The following ZNF827 variants were observed in gnomAD, a reference collection of about 807,000 sequenced individuals.
The protein encoded by ZNF827 is zinc finger protein 827.
In ZNF827, 13 loss-of-function variants were observed where a neutral mutation model predicts 102.4. That is an observed-to-expected ratio of 0.13 (90% CI 0.08 to 0.20). The LOEUF is 0.20. Ranked by LOEUF, ZNF827 falls within the 10% of genes least tolerant of loss-of-function variation. The pLI is 1.00. For missense variants in ZNF827, 1,103 were observed against 1,344.4 expected (o/e 0.82, Z 2.81); for synonymous variants, 523 against 536.2 (o/e 0.98, Z 0.34).
intron 8 of ZNF827, among the ~76,000 whole-genome samples, chr4:145,814,813 C>A (rs112006665): frequency 0.012 from 1,854 of 150,398 alleles, 49 homozygotes; most frequent in African/African-American, 0.042. Flanking sequence ...TTGTGGCATG[C>A]GCCTGTAATC....
intron 7 of ZNF827, among the ~76,000 whole-genome samples, chr4:145,824,921 T>C (rs1217537681): frequency 1.3e-5 from 2 of 152,282 alleles, no homozygotes; most frequent in Non-Finnish European, 2.9e-5. Context: ...AATATAGTTT[T>C]ACATGACTGT....
chr4:145,846,107 C>CT, intron 6 of ZNF827, 94 bp from the exon 7 acceptor site: 1 of 1,178,002 alleles, frequency 8.5e-7, no homozygotes, highest in Non-Finnish European at 1.2e-6. Flanking sequence ...CAACATCTCT[C>CT]TTTTTCCTTT....
chr4:145,813,667 T>C (rs1742277476), intron 8 of ZNF827, among the ~76,000 whole-genome samples: 1 of 152,214 alleles, frequency 6.6e-6, no homozygotes, highest in Admixed American at 6.5e-5. Context: ...TAATCAGTCT[T>C]ACGAGTGCAT....
chr4:145,781,223 A>G (rs1737998644), intron 8 of ZNF827, among the ~76,000 whole-genome samples: 2 of 136,788 alleles, frequency 1.5e-5, no homozygotes, highest in African/African-American at 2.8e-5. Flanking sequence ...AAAAAGAAAA[A>G]AAAAGAAAAA....
intron 5 of ZNF827, among the ~76,000 whole-genome samples, chr4:145,860,863 A>T (rs186873670): frequency 2.0e-5 from 3 of 152,254 alleles, no homozygotes; most frequent in Admixed American, 2.0e-4. Context: ...CCTAAAAGCC[A>T]TAAGAGAAAA....
intron 8 of ZNF827, among the ~76,000 whole-genome samples, chr4:145,798,493 T>G (rs1579222424): frequency 6.6e-6 from 1 of 151,978 alleles, no homozygotes; most frequent in African/African-American, 2.4e-5. Context: ...TGGTGAAACC[T>G]CGTCTCCACT....
intron 8 of ZNF827, among the ~76,000 whole-genome samples, chr4:145,807,660 T>A (rs781781431): frequency 6.6e-6 from 1 of 151,360 alleles, no homozygotes; most frequent in Non-Finnish European, 1.5e-5. Flanking sequence ...TTAGTAGAGA[T>A]GGGGTTTCAC....
intron 1 of ZNF827, among the ~76,000 whole-genome samples, chr4:145,934,819 G>C (rs1754044681): frequency 6.6e-6 from 1 of 152,278 alleles, no homozygotes; most frequent in East Asian, 1.9e-4. Context: ...AATCCTTAGG[G>C]GGGTGCAGAC....
intron 8 of ZNF827, among the ~76,000 whole-genome samples, chr4:145,809,571 C>G (rs1355812696): frequency 2.6e-5 from 4 of 152,354 alleles, no homozygotes; most frequent in African/African-American, 9.6e-5. Flanking sequence ...TCCCTTACTG[C>G]TCAGGAGTCA....
Position 145,765,757 on chromosome 4 carries a change from A to G in ZNF827, c.2861-19T>C. ...TCTTCCCCTGAAAAATAAGCAAATAACCCAGTCTGTTAATGAGATGAAAAT... is the reference window on the plus strand; with the variant it reads ...TCTTCCCCTGAAAAATAAGCAAATAGCCCAGTCTGTTAATGAGATGAAAAT... On this transcript the variant is annotated intron_variant, in intron 11 of 14. Coordinates refer to ENST00000508784, the MANE Select transcript of ZNF827 (RefSeq NM_001306215.2). This position sits in a 1 kb window ranked among gnomAD's most constrained non-coding sequence, Gnocchi z 4.7. The G allele has an allele frequency of 6.2e-7, 1 of 1,608,770 alleles. No individual in the cohort carries two copies. The highest frequency in any genetic ancestry group is 1.1e-5 in the South Asian group (1 of 90,336).
At chr4:145,835,188 C>G (rs1441450569) in intron 7 of ZNF827, 3 of 152,260 alleles carry the variant, frequency 2.0e-5, no homozygotes, top group Non-Finnish European at 4.4e-5. Context: ...CTGACTCCTT[C>G]CCAGATCTTC....
intron 2 of ZNF827, among the ~76,000 whole-genome samples, chr4:145,896,263 T>C (rs1298331940): frequency 6.6e-6 from 1 of 152,122 alleles, no homozygotes. Flanking sequence ...ACATAATAAA[T>C]ACACGGTTCA....
chr4:145,855,462 A>G (rs1579385692), intron 5 of ZNF827, among the ~76,000 whole-genome samples: 1 of 152,242 alleles, frequency 6.6e-6, no homozygotes, highest in East Asian at 1.9e-4. Flanking sequence ...AAGAATGCAG[A>G]CCAAAAGGAC....
At chr4:145,870,545 C>G (rs71614563) in intron 4 of ZNF827, 67 bp from the exon 5 acceptor site, 33,692 of 1,366,894 alleles carry the variant, frequency 0.025, 525 homozygotes, top group Non-Finnish European at 0.028. Context: ...TGCCCTGGTA[C>G]TTCACGAAGT....
At chr4:145,920,467 C>G (rs1194512150) in intron 1 of ZNF827, among the ~76,000 whole-genome samples, 1 of 152,202 alleles carries the variant, frequency 6.6e-6, no homozygotes, top group African/African-American at 2.4e-5. Flanking sequence ...TACGCCACGG[C>G]CTCTGCTCTT....
intron 1 of ZNF827, among the ~76,000 whole-genome samples, chr4:145,911,805 T>C (rs941730533): frequency 6.6e-6 from 1 of 152,214 alleles, no homozygotes; most frequent in African/African-American, 2.4e-5. Context: ...ATTAAGTGAA[T>C]GAATGAATTC....
At chr4:145,825,680 TAAG>T (rs1737893990) in intron 7 of ZNF827, among the ~76,000 whole-genome samples, 1 of 152,180 alleles carries the variant, frequency 6.6e-6, no homozygotes, top group South Asian at 2.1e-4. Flanking sequence ...TGGGTCTTGC[TAAG>T]TAGTGGCAAT....
rs567876153 is a variant in ZNF827 at position 145,833,296 on chromosome 4, G to A, written c.2280-9771C>T. 4.6e-5 allele frequency: 7 copies of A among 153,642 alleles called. No homozygotes were observed. The East Asian group carries it at 1.1e-3, about 25-fold the overall frequency. 9.5% of individuals were successfully genotyped at this position (153,642 alleles called of 1,614,324 possible). On this transcript the variant is annotated intron_variant, in intron 7 of 14. Coordinates refer to ENST00000508784, the MANE Select transcript of ZNF827 (RefSeq NM_001306215.2). ...CTTTCATTTTCTGGTAGAGACAAAGGAGACACGTTTTATCCGTGGACCCAA... is the reference window on the plus strand; with the variant it reads ...CTTTCATTTTCTGGTAGAGACAAAGAAGACACGTTTTATCCGTGGACCCAA...
intron 1 of ZNF827, 134 bp downstream of exon 1, chr4:145,938,230 CG>C: frequency 9.5e-7 from 1 of 1,048,338 alleles, no homozygotes; most frequent in South Asian, 1.3e-5. Context: ...AGGAGTAACC[CG>C]GGCTGTGTCT....
Sources: gnomAD v4.1 joint callset for allele counts (sites outside exome capture counted in the v4.1 genomes callset) on GRCh38, gnomAD v4.1.1 for gene constraint, Gnocchi (gnomAD v3.1) non-coding constraint, MANE v1.5 for transcripts, NCBI Gene and HGNC (gene_info 2026-07-23, HGNC 2026-07-21) for gene names.